Variants in SLC5A4 observed in about 807,000 individuals in gnomAD.
The protein encoded by SLC5A4 is probable glucose sensor protein SLC5A4.
A neutral mutation model predicts 70.3 loss-of-function variants in SLC5A4; 55 were observed. That is an observed-to-expected ratio of 0.78 (90% CI 0.63 to 0.98). The LOEUF is 0.98. Among genes scored for constraint, SLC5A4 ranks in the 50% least tolerant of loss-of-function variants. SLC5A4 has a pLI of 0.00. For synonymous variants in SLC5A4, 268 were observed against 305.7 expected (o/e 0.88, Z 1.29); for missense variants, 735 against 839.2 (o/e 0.88, Z 1.53).
the SLC5A4 span, among the ~76,000 whole-genome samples, chr22:32,345,775 T>TA: frequency 6.6e-6 from 1 of 152,154 alleles, no homozygotes; most frequent in African/African-American, 2.4e-5. Context: ...GTCCCCAGCC[T>TA]AAGTGACAAC....
the SLC5A4 span, among the ~76,000 whole-genome samples, chr22:32,289,691 C>T: frequency 6.6e-6 from 1 of 152,164 alleles, no homozygotes; most frequent in African/African-American, 2.4e-5. Flanking sequence ...CCCAGCCATG[C>T]GGAACTGTGA....
chr22:32,306,201 C>G, the SLC5A4 span, among the ~76,000 whole-genome samples: 1 of 152,216 alleles, frequency 6.6e-6, no homozygotes, highest in African/African-American at 2.4e-5. Flanking sequence ...CGCGGTGGCT[C>G]ACGCCTGTAA....
the SLC5A4 span, among the ~76,000 whole-genome samples, chr22:32,324,359 A>G: frequency 6.6e-6 from 1 of 151,922 alleles, no homozygotes; most frequent in Admixed American, 6.6e-5. Context: ...TAAAAAAAAC[A>G]TTCTACTTAC....
chr22:32,324,757 C>T, the SLC5A4 span, among the ~76,000 whole-genome samples: 2 of 152,216 alleles, frequency 1.3e-5, no homozygotes, highest in Non-Finnish European at 2.9e-5. Flanking sequence ...CCTCTCTGGG[C>T]CTTAGGCACC....
chr22:32,286,714 G>A, the SLC5A4 span, among the ~76,000 whole-genome samples: 1 of 152,172 alleles, frequency 6.6e-6, no homozygotes, highest in Non-Finnish European at 1.5e-5. Context: ...TGGCATACTT[G>A]CATTAAGAAG....
rs192272289 is a variant in SLC5A4, at chr22:32,234,367, C to T, written c.885+506G>A. Among the ~76,000 whole-genome samples the T allele has an allele frequency of 3.3e-5, 5 of 152,250 alleles. No homozygotes were observed. In the East Asian group the frequency reaches 9.7e-4, roughly 29 times the overall value. ...AGAAATAGGGTGGAAAGCAGGGCAC[C>T]ATGCAGCTATTTTTAAATAGCAAGG... On this transcript the variant is annotated intron_variant, in intron 8 of 14. Transcript: ENST00000266086.
At chr22:32,316,123 A>AG in the SLC5A4 span, among the ~76,000 whole-genome samples, 1 of 151,758 alleles carries the variant, frequency 6.6e-6, no homozygotes, top group Non-Finnish European at 1.5e-5. Flanking sequence ...AAAAAAAAAA[A>AG]AAGGGCAGAT....
At chr22:32,302,123 A>G in the SLC5A4 span, among the ~76,000 whole-genome samples, 63 of 152,332 alleles carry the variant, frequency 4.1e-4, no homozygotes, top group African/African-American at 1.4e-3. Context: ...CAATATAAAA[A>G]ATAGATAAAT....
At chr22:32,332,921 C>CTCTT in the SLC5A4 span, among the ~76,000 whole-genome samples, 1 of 152,220 alleles carries the variant, frequency 6.6e-6, no homozygotes, top group African/African-American at 2.4e-5. Flanking sequence ...AAAATAAAGA[C>CTCTT]TCTTTCTCCT....
upstream of SLC5A4, among the ~76,000 whole-genome samples, chr22:32,255,714 A>G (rs867025959): frequency 6.6e-6 from 1 of 152,206 alleles, no homozygotes; most frequent in Non-Finnish European, 1.5e-5. Context: ...ACCGAATGCA[A>G]TGGTCCTTCA....
chr22:32,239,548 AT>A (rs1926307003), intron 5 of SLC5A4, among the ~76,000 whole-genome samples: 1 of 15,236 alleles, frequency 6.6e-5, no homozygotes, highest in African/African-American at 3.3e-4. Context: ...ATATATATAT[AT>A]ATATATATAT....
intron 5 of SLC5A4, among the ~76,000 whole-genome samples, chr22:32,246,374 C>T (rs549246149): frequency 1.7e-4 from 26 of 152,314 alleles, no homozygotes; most frequent in Admixed American, 3.3e-4. Flanking sequence ...AACTCTGAGA[C>T]ACCTGCCTAG....
the SLC5A4 span, among the ~76,000 whole-genome samples, chr22:32,337,006 T>TG: frequency 5.0e-4 from 76 of 152,362 alleles, 1 homozygote; most frequent in Middle Eastern, 6.8e-3. Flanking sequence ...AGGACAGGGC[T>TG]GGAAGCTTTG....
intron 5 of SLC5A4, among the ~76,000 whole-genome samples, chr22:32,243,255 G>C (rs1926638651): frequency 6.6e-6 from 1 of 152,100 alleles, no homozygotes; most frequent in South Asian, 2.1e-4. Context: ...TATTAAGAAG[G>C]GTGGAGTAGG....
At chr22:32,266,728 TG>T in the SLC5A4 span, among the ~76,000 whole-genome samples, 1 of 152,236 alleles carries the variant, frequency 6.6e-6, no homozygotes, top group Admixed American at 6.5e-5. Flanking sequence ...CATTGTTGAC[TG>T]GAAGCCTTAC....
At chr22:32,319,084 G>A in the SLC5A4 span, among the ~76,000 whole-genome samples, 3 of 152,184 alleles carry the variant, frequency 2.0e-5, no homozygotes, top group African/African-American at 7.2e-5. Flanking sequence ...CACACTCTCT[G>A]CCTGCCTTTA....
the SLC5A4 span, among the ~76,000 whole-genome samples, chr22:32,327,966 G>T: frequency 6.6e-6 from 1 of 152,082 alleles, no homozygotes; most frequent in Non-Finnish European, 1.5e-5. Context: ...AGCCTGAATT[G>T]GGCCCAGCAA....
the SLC5A4 span, among the ~76,000 whole-genome samples, chr22:32,331,016 GGT>G: frequency 0.09 from 3,312 of 36,688 alleles, 3 homozygotes; most frequent in Non-Finnish European, 0.11. Context: ...TGGGGGCTCT[GGT>G]GTGTGTGTGT....
the SLC5A4 span, among the ~76,000 whole-genome samples, chr22:32,316,264 T>TA: frequency 0.12 from 17,666 of 152,000 alleles, 1,387 homozygotes; most frequent in Non-Finnish European, 0.18. Context: ...ACCATAATTT[T>TA]AAAAAAAGGA....
Sources: allele counts gnomAD v4.1 joint callset (sites outside exome capture counted in the v4.1 genomes callset), GRCh38; gene constraint gnomAD v4.1.1; transcripts MANE v1.5; gene names NCBI Gene and HGNC (gene_info 2026-07-23, HGNC 2026-07-21).